Variants in TAF3 observed in about 807,000 individuals in gnomAD.
TAF3 encodes the protein transcription initiation factor TFIID subunit 3.
Under a neutral mutation model 80.6 loss-of-function variants are expected in TAF3, and 7 were observed. The observed-to-expected ratio is 0.09, with a 90% CI of 0.05 to 0.16. The LOEUF is 0.16. Ranked by LOEUF, TAF3 falls within the 10% of genes least tolerant of loss-of-function variation. The probability of loss-of-function intolerance (pLI) is 1.00; values close to 1 mark genes in which losing one functional copy is unlikely to be tolerated. For synonymous variants in TAF3, 444 were observed against 446.1 expected, an observed-to-expected ratio of 1.00 and a Z score of 0.06; for missense variants, 921 against 1,140.2, an observed-to-expected ratio of 0.81 and a Z score of 2.77.
chr10:7,921,217 C>T (rs1219197062), intron 2 of TAF3, among the ~76,000 whole-genome samples: 1 of 151,746 alleles, frequency 6.6e-6, no homozygotes, highest in Non-Finnish European at 1.5e-5. Context: ...ATTAGCTTTA[C>T]TTTGAAGTAG....
At chr10:7,844,011 A>C (rs1159054033) in intron 2 of TAF3, among the ~76,000 whole-genome samples, 1 of 152,176 alleles carries the variant, frequency 6.6e-6, no homozygotes, top group Non-Finnish European at 1.5e-5. Flanking sequence ...AGAATGTTTT[A>C]AAATCTTGAG....
chr10:7,847,180 G>C (rs1452013145), intron 2 of TAF3, among the ~76,000 whole-genome samples: 1 of 152,206 alleles, frequency 6.6e-6, no homozygotes, highest in African/African-American at 2.4e-5. Flanking sequence ...TGGGTCTTCA[G>C]ATTACAACAT....
intron 2 of TAF3, among the ~76,000 whole-genome samples, chr10:7,953,107 C>A (rs1838100301): frequency 6.6e-6 from 1 of 150,960 alleles, no homozygotes; most frequent in African/African-American, 2.4e-5. Flanking sequence ...CTGACCCTGA[C>A]CTTCCTGGTA....
At chr10:7,844,580 G>T (rs1588521269) in intron 2 of TAF3, among the ~76,000 whole-genome samples, 1 of 152,050 alleles carries the variant, frequency 6.6e-6, no homozygotes, top group Non-Finnish European at 1.5e-5. Flanking sequence ...GTTTCACCAT[G>T]TTGGCCAGGA....
intron 2 of TAF3, among the ~76,000 whole-genome samples, chr10:7,866,520 G>A (rs1052881543): frequency 2.0e-5 from 3 of 152,182 alleles, no homozygotes; most frequent in African/African-American, 7.2e-5. Context: ...AACCTCTGAA[G>A]TGAGAGTCAA....
At chr10:7,844,627 C>T (rs192767637) in intron 2 of TAF3, among the ~76,000 whole-genome samples, 182 of 152,244 alleles carry the variant, frequency 1.2e-3, no homozygotes, top group African/African-American at 3.8e-3. Context: ...CCGCCTGCCT[C>T]GGCCTTCCAA....
chr10:7,950,376 C>T (rs1020070131), intron 2 of TAF3, among the ~76,000 whole-genome samples: 3 of 151,656 alleles, frequency 2.0e-5, no homozygotes, highest in Admixed American at 1.3e-4. Context: ...TCCAGAAGTT[C>T]GGAGAATAAT....
intron 2 of TAF3, among the ~76,000 whole-genome samples, chr10:7,963,599 T>C (rs1044169417): frequency 3.3e-5 from 5 of 151,932 alleles, no homozygotes; most frequent in African/African-American, 1.2e-4. Context: ...TAAGTGGGAG[T>C]TGAACAGTGA....
At chr10:7,985,788 T>TG (rs1564377604) in intron 4 of TAF3, among the ~76,000 whole-genome samples, 1 of 149,036 alleles carries the variant, frequency 6.7e-6, no homozygotes, top group Non-Finnish European at 1.5e-5. Flanking sequence ...CTCTTTTTTT[T>TG]TTTTTTTTTT....
At chr10:7,837,837 T>C (rs1836868100) in intron 2 of TAF3, among the ~76,000 whole-genome samples, 1 of 151,922 alleles carries the variant, frequency 6.6e-6, no homozygotes, top group Non-Finnish European at 1.5e-5. Flanking sequence ...AAAAAGGGAA[T>C]AGCTGTAGTT....
At chr10:7,862,880 T>G (rs1382413158) in intron 2 of TAF3, among the ~76,000 whole-genome samples, 1 of 152,274 alleles carries the variant, frequency 6.6e-6, no homozygotes. Flanking sequence ...TTACTCCTTT[T>G]TATTGTTGAG....
intron 2 of TAF3, among the ~76,000 whole-genome samples, chr10:7,873,348 G>T (rs1837284286): frequency 6.6e-6 from 1 of 151,858 alleles, no homozygotes; most frequent in Non-Finnish European, 1.5e-5. Flanking sequence ...GACTTACTTT[G>T]TATCCACAGA....
At chr10:7,933,368 A>G (rs1185325702) in intron 2 of TAF3, among the ~76,000 whole-genome samples, 1 of 152,206 alleles carries the variant, frequency 6.6e-6, no homozygotes, top group African/African-American at 2.4e-5. Context: ...AGCTTCATGC[A>G]TGGCACCCAC....
At chr10:7,979,830 G>C (rs1179162931) in intron 4 of TAF3, among the ~76,000 whole-genome samples, 1 of 151,790 alleles carries the variant, frequency 6.6e-6, no homozygotes, top group African/African-American at 2.4e-5. Flanking sequence ...GTGGTGGGGT[G>C]GGGGGTGGTT....
At position 7,996,959 on chromosome 10, in the gene TAF3, G is replaced by C. The variant is rs546774406; in HGVS notation, c.2316-12119G>C. ...TCTGCCTGCCTCAGCCTCCCAAAGT[G>C]CTGGGATTATAAGCATGAGCCACTG... On this transcript the variant is annotated intron_variant, in intron 4 of 6. Coordinates refer to ENST00000344293, the MANE Select transcript of TAF3 (RefSeq NM_031923.4). 5.9e-5 allele frequency among the ~76,000 whole-genome samples: 9 copies of C among 151,702 alleles called. No homozygotes were observed. In the South Asian group the frequency reaches 1.7e-3, roughly 28 times the overall value.
chr10:7,868,001 C>T (rs767646603), intron 2 of TAF3, among the ~76,000 whole-genome samples: 10 of 151,852 alleles, frequency 6.6e-5, no homozygotes, highest in Non-Finnish European at 1.3e-4. Flanking sequence ...AATGTATTTC[C>T]TGGTCATTGA....
chr10:8,012,044 A>G lies in TAF3; in HGVS notation c.2569-1687A>G, dbSNP rs573782802. The stretch of plus-strand genomic sequence containing the variant: ...ATACAAAAATTGGCTGGGCAGGGTG[A>G]CATGTGCCTGTAGTCTCAACTACTC... On this transcript the variant is annotated intron_variant, in intron 5 of 6. Coordinates refer to ENST00000344293, the MANE Select transcript of TAF3 (RefSeq NM_031923.4). Among the ~76,000 whole-genome samples, 17 of 152,236 alleles carry G rather than the reference A, an allele frequency of 1.1e-4. No individual in the cohort carries two copies. The South Asian group carries it at 3.5e-3, about 32-fold the overall frequency.
chr10:7,886,078 A>G (rs1394879370), intron 2 of TAF3, among the ~76,000 whole-genome samples: 4 of 152,052 alleles, frequency 2.6e-5, no homozygotes, highest in Admixed American at 1.3e-4. Context: ...ACAGGGGTCC[A>G]CCACCATGTC....
intron 2 of TAF3, among the ~76,000 whole-genome samples, chr10:7,835,944 C>G (rs746622986): frequency 8.5e-5 from 13 of 152,154 alleles, no homozygotes; most frequent in Non-Finnish European, 1.5e-4. Flanking sequence ...CAGGATTCCC[C>G]TTATTGAAGC....
Sources: allele counts gnomAD v4.1 joint callset (sites outside exome capture counted in the v4.1 genomes callset), GRCh38; gene constraint gnomAD v4.1.1; transcripts MANE v1.5; gene names NCBI Gene and HGNC (gene_info 2026-07-23, HGNC 2026-07-21).